BPHL: variants seen among roughly 807,000 people sequenced by gnomAD.
BPHL encodes serine hydrolase BPHL.
In BPHL, 27 loss-of-function variants were observed where a neutral mutation model predicts 31.2. The observed-to-expected ratio is 0.87, with a 90% CI of 0.64 to 1.19. BPHL has a LOEUF of 1.19. Ranked by LOEUF, BPHL falls within the 50% of genes most tolerant of loss-of-function variation. BPHL has a pLI of 0.00. For synonymous variants in BPHL, 150 were observed against 146.8 expected (o/e 1.02, Z -0.16); for missense variants, 356 against 375.7 (o/e 0.95, Z 0.43).
intron 4 of BPHL, among the ~76,000 whole-genome samples, chr6:3,132,305 G>C (rs1482990985): frequency 6.6e-6 from 1 of 152,120 alleles, no homozygotes; most frequent in African/African-American, 2.4e-5. Context: ...AGCTTTCTCT[G>C]TCTGGAAGTT....
intron 6 of BPHL, among the ~76,000 whole-genome samples, chr6:3,145,136 A>G (rs1762293795): frequency 7.1e-6 from 1 of 139,952 alleles, no homozygotes; most frequent in African/African-American, 2.8e-5. Context: ...TGTGGGTCGG[A>G]GTGCTGGTTT....
chr6:3,136,762 T>C (rs1287435494), intron 4 of BPHL, among the ~76,000 whole-genome samples: 1 of 152,258 alleles, frequency 6.6e-6, no homozygotes, highest in East Asian at 1.9e-4. Context: ...GAATTGCATT[T>C]GTTGATTCAT....
chr6:3,126,921 A>ATTTTTTTTTTTTTTTTTTTTTT (rs34930913), intron 2 of BPHL: 1 of 100,116 alleles, frequency 1.0e-5, no homozygotes, highest in Non-Finnish European at 1.9e-5. Context: ...GCCCGGCTAC[A>ATTTTTTTTTTTTTTTTTTTTTT]TTTTTTTTTT....
intron 1 of BPHL, chr6:3,119,389 C>A: frequency 6.2e-7 from 1 of 1,600,176 alleles, no homozygotes; most frequent in Admixed American, 1.7e-5. Flanking sequence ...GCAAAAGAAT[C>A]ACGTTGGGAA....
chr6:3,137,004 C>T (rs1762030617), intron 4 of BPHL, among the ~76,000 whole-genome samples: 1 of 152,182 alleles, frequency 6.6e-6, no homozygotes, highest in Non-Finnish European at 1.5e-5. Flanking sequence ...TTTCTTTTAT[C>T]TTGTATCTTT....
intron 4 of BPHL, among the ~76,000 whole-genome samples, chr6:3,133,449 G>A (rs1292627727): frequency 6.6e-6 from 1 of 152,048 alleles, no homozygotes; most frequent in East Asian, 1.9e-4. Context: ...AGCCTTCCAG[G>A]ACTCCCCACA....
intron 4 of BPHL, among the ~76,000 whole-genome samples, chr6:3,132,840 C>T (rs1761909452): frequency 6.6e-6 from 1 of 151,954 alleles, no homozygotes; most frequent in South Asian, 2.1e-4. Flanking sequence ...CCAACAACAG[C>T]AACAACAACA....
At chr6:3,138,099 ATC>A in intron 5 of BPHL, 1 of 878,482 alleles carries the variant, frequency 1.1e-6, no homozygotes, top group Non-Finnish European at 1.6e-6. Flanking sequence ...GCTCACTGCA[ATC>A]TCTGTCTCCT....
Position 3,129,173 on chromosome 6 carries a change from T to C in BPHL, c.507T>C (p.Thr169=). 1 of 1,602,074 alleles carries C rather than the reference T, an allele frequency of 6.2e-7. No individual in the cohort carries two copies. Among genetic ancestry groups the C allele is most frequent in the East Asian group, 2.2e-5 (1 of 44,796 alleles). Reference sequence around the variant, plus strand: ...TCTGGGGCGCCAACGCCTACGTCACTGACGAAGACAGCATGATATATGAGG... The same window carrying C: ...TCTGGGGCGCCAACGCCTACGTCACCGACGAAGACAGCATGATATATGAGG... The part of the protein sequence containing the change: ...MVIWGANAYV[T]DEDSMIYEGI... Residue 169 remains threonine, a synonymous_variant, in exon 4 of 7, where the codon ACT becomes ACC. Transcript: ENST00000380379.
In BPHL at chr6:3,123,970, G is replaced by C. The variant is rs1761648908; in HGVS notation, c.211+210G>C. 10 of 360,452 alleles carry C rather than the reference G, an allele frequency of 2.8e-5. No individual in the cohort carries two copies. In the South Asian group the frequency reaches 3.4e-4, roughly 12 times the overall value. 22.3% of individuals were successfully genotyped at this position (360,452 alleles called of 1,614,324 possible). On this transcript the variant is annotated intron_variant, in intron 2 of 6. Coordinates refer to ENST00000380379, the MANE Select transcript of BPHL (RefSeq NM_004332.4). ...TTTTATTCCTTTAGTAAAGTACCCAGTTTTTCCTATTGCAAGTACTCTGTG... is the reference window on the plus strand; with the variant it reads ...TTTTATTCCTTTAGTAAAGTACCCACTTTTTCCTATTGCAAGTACTCTGTG...
chr6:3,127,399 T>C lies in BPHL; in HGVS notation c.369T>C (p.Asp123=). Residue 123 remains aspartate (D), a synonymous_variant, in exon 3 of 7, where the codon GAT becomes GAC. Transcript: ENST00000380379. ...AAAGGGATGCAAAAGATGCTGTTGA[T>C]TTGATGAAGGTAGGTCTCTGAGGGA... ...FFERDAKDAV[D]LMKALKFKKV... 6.2e-7 allele frequency: 1 copy of C among 1,604,468 alleles called. No homozygotes were observed. The highest frequency in any genetic ancestry group is 8.5e-7 in the Non-Finnish European group (1 of 1,173,918).
chr6:3,118,601 G>C (rs531462460), upstream of BPHL: 1 of 570,780 alleles, frequency 1.8e-6, no homozygotes, highest in South Asian at 9.2e-5. Flanking sequence ...CGTGGCTTCG[G>C]GGCGGGGCGG....
intron 6 of BPHL, among the ~76,000 whole-genome samples, chr6:3,143,516 G>T (rs889063136): frequency 2.6e-5 from 4 of 152,134 alleles, no homozygotes; most frequent in Non-Finnish European, 4.4e-5. Flanking sequence ...GTTTTTAGTC[G>T]GTTGAAGCCC....
chr6:3,152,388 A>T, intron 6 of BPHL, 100 bp from the exon 7 acceptor site: 1 of 1,005,064 alleles, frequency 9.9e-7, no homozygotes, highest in Admixed American at 2.1e-5. Flanking sequence ...GAAATGTGTT[A>T]ATTTTTCACT....
Position 3,148,903 on chromosome 6 carries a change from T to C in BPHL, c.789-3585T>C, listed in dbSNP as rs141908672. Among the ~76,000 whole-genome samples the C allele has an allele frequency of 7.4e-3, 1,130 of 152,326 alleles. 15 individuals carry two copies. The highest frequency in any genetic ancestry group is 0.026 in the African/African-American group (1,070 of 41,568). ...TGTTAGCCAACAAATGTAGATTAAT[T>C]GTGCTCCCCTGAGTCAGTCATTGTT... On this transcript the variant is annotated intron_variant, in intron 6 of 6. Coordinates refer to ENST00000380379, the MANE Select transcript of BPHL (RefSeq NM_004332.4).
intron 6 of BPHL, 140 bp from the exon 7 acceptor site, chr6:3,152,348 A>G (rs1762545492): frequency 1.5e-6 from 1 of 662,084 alleles, no homozygotes; most frequent in Non-Finnish European, 2.6e-6. Context: ...TTGATGGGTT[A>G]CATTTTTCTC....
At position 3,149,676 on chromosome 6, in the gene BPHL, G is replaced by C. The variant is rs1480992406; in HGVS notation, c.789-2812G>C. 6.6e-6 allele frequency among the ~76,000 whole-genome samples: 1 copy of C among 152,104 alleles called. No individual in the cohort carries two copies. The highest frequency in any genetic ancestry group is 1.5e-5 in the Non-Finnish European group (1 of 68,036). On this transcript the variant is annotated intron_variant, in intron 6 of 6. Transcript: ENST00000380379. The surrounding 1 kb of genome is among the most constrained non-coding windows in gnomAD (Gnocchi z 4.6). The stretch of plus-strand genomic sequence containing the variant: ...GAGATAGAGCCTTGCTCTATTGCCC[G>C]GGCTGGAGTGCAGTGGCGGGATCTC...
chr6:3,121,553 G>A (rs1389148772), intron 1 of BPHL, among the ~76,000 whole-genome samples: 5 of 151,962 alleles, frequency 3.3e-5, no homozygotes, highest in Admixed American at 6.6e-5. Flanking sequence ...TCCTGACCTC[G>A]TGATCCACCC....
intron 4 of BPHL, among the ~76,000 whole-genome samples, chr6:3,134,591 C>T (rs1266243001): frequency 1.3e-5 from 2 of 150,844 alleles, no homozygotes; most frequent in Non-Finnish European, 3.0e-5. Flanking sequence ...CGTGTGCCAC[C>T]GCACCTGGCT....
Sources: allele counts gnomAD v4.1 joint callset (sites outside exome capture counted in the v4.1 genomes callset), GRCh38; gene constraint gnomAD v4.1.1; non-coding constraint Gnocchi (gnomAD v3.1); transcripts MANE v1.5; gene names NCBI Gene and HGNC (gene_info 2026-07-23, HGNC 2026-07-21).